SCHIP1: variants seen among roughly 807,000 people sequenced by gnomAD.
SCHIP1 encodes schwannomin-interacting protein 1.
A neutral mutation model predicts 29.7 loss-of-function variants in SCHIP1; 8 were observed. That is an observed-to-expected ratio of 0.27 (90% CI 0.16 to 0.49). The LOEUF is 0.49. Ranked by LOEUF, SCHIP1 falls within the 20% of genes least tolerant of loss-of-function variation. The probability of loss-of-function intolerance (pLI) is 0.99; values close to 1 mark genes in which losing one functional copy is unlikely to be tolerated. For synonymous variants in SCHIP1, 76 were observed against 94.9 expected (o/e 0.80, Z 1.16); for missense variants, 193 against 294.6 (o/e 0.66, Z 2.52).
the SCHIP1 span, among the ~76,000 whole-genome samples, chr3:159,518,467 T>A: frequency 5.9e-5 from 9 of 152,300 alleles, no homozygotes; most frequent in Admixed American, 1.3e-4. Context: ...TATGTTTTTT[T>A]AAATCCCTTT....
At chr3:159,765,397 C>G in the SCHIP1 span, 1 of 438,580 alleles carries the variant, frequency 2.3e-6, no homozygotes, top group South Asian at 4.4e-5. Flanking sequence ...TTAGTGGAAC[C>G]GGCGACTCAT....
At chr3:159,634,725 A>G in the SCHIP1 span, among the ~76,000 whole-genome samples, 8 of 152,216 alleles carry the variant, frequency 5.3e-5, no homozygotes, top group African/African-American at 1.9e-4. Context: ...CCCAAAGTAT[A>G]CATTATATGT....
the SCHIP1 span, among the ~76,000 whole-genome samples, chr3:159,447,501 G>T: frequency 6.6e-6 from 1 of 152,136 alleles, no homozygotes; most frequent in Non-Finnish European, 1.5e-5. Context: ...GCCTGGCCAA[G>T]TTCTGCCTGC....
chr3:159,320,119 T>C, the SCHIP1 span, among the ~76,000 whole-genome samples: 11 of 152,366 alleles, frequency 7.2e-5, no homozygotes, highest in East Asian at 1.3e-3. Context: ...AACTATTTCA[T>C]TTAAGTTAGT....
the SCHIP1 span, among the ~76,000 whole-genome samples, chr3:159,740,942 C>G: frequency 5.9e-5 from 9 of 152,092 alleles, no homozygotes; most frequent in Admixed American, 5.9e-4. Context: ...TAAGTTGGCT[C>G]AAGCTCTTCG....
At chr3:159,760,288 G>C in the SCHIP1 span, among the ~76,000 whole-genome samples, 54 of 152,284 alleles carry the variant, frequency 3.5e-4, no homozygotes, top group Non-Finnish European at 6.2e-4. Context: ...CATAAATACT[G>C]CCCAAGGAGC....
At chr3:159,649,368 A>G in the SCHIP1 span, among the ~76,000 whole-genome samples, 1 of 152,200 alleles carries the variant, frequency 6.6e-6, no homozygotes, top group African/African-American at 2.4e-5. Context: ...TCTTTTATTC[A>G]AATTTATAAT....
the SCHIP1 span, among the ~76,000 whole-genome samples, chr3:159,449,907 A>AGAAAG: frequency 6.6e-6 from 1 of 152,190 alleles, no homozygotes; most frequent in East Asian, 1.9e-4. Flanking sequence ...AAGAGAAGAA[A>AGAAAG]AAGGGAAGAA....
At chr3:159,542,610 G>A in the SCHIP1 span, among the ~76,000 whole-genome samples, 1 of 151,952 alleles carries the variant, frequency 6.6e-6, no homozygotes, top group Non-Finnish European at 1.5e-5. Flanking sequence ...AGGTGATGCT[G>A]GGCCCTCTGT....
At chr3:159,638,653 C>T in the SCHIP1 span, among the ~76,000 whole-genome samples, 1 of 151,364 alleles carries the variant, frequency 6.6e-6, no homozygotes, top group Non-Finnish European at 1.5e-5. Context: ...GGTGCGATCT[C>T]TGCCATTTGA....
At chr3:159,453,853 G>A in the SCHIP1 span, among the ~76,000 whole-genome samples, 2 of 152,094 alleles carry the variant, frequency 1.3e-5, no homozygotes. Flanking sequence ...TTGCCTCTCT[G>A]ATTCTAGCCC....
chr3:159,744,343 A>G, the SCHIP1 span, among the ~76,000 whole-genome samples: 42 of 152,368 alleles, frequency 2.8e-4, no homozygotes, highest in African/African-American at 1.0e-3. Flanking sequence ...AAATGAGGTC[A>G]ATAAGACCTT....
At chr3:159,630,691 G>A in the SCHIP1 span, among the ~76,000 whole-genome samples, 17 of 151,982 alleles carry the variant, frequency 1.1e-4, no homozygotes, top group African/African-American at 3.9e-4. Flanking sequence ...AAAGGTATAA[G>A]AATGATACAT....
chr3:159,745,792 A>C, the SCHIP1 span, among the ~76,000 whole-genome samples: 13 of 152,236 alleles, frequency 8.5e-5, no homozygotes, highest in African/African-American at 2.9e-4. Flanking sequence ...CCTCTTCTCC[A>C]AATGACTCAC....
the SCHIP1 span, among the ~76,000 whole-genome samples, chr3:159,719,698 C>T: frequency 6.6e-6 from 1 of 152,164 alleles, no homozygotes; most frequent in Non-Finnish European, 1.5e-5. Context: ...GCATCTCACA[C>T]CAGTTAGAAT....
chr3:159,890,806 A>G (rs1717439776), intron 5 of SCHIP1, among the ~76,000 whole-genome samples: 1 of 151,998 alleles, frequency 6.6e-6, no homozygotes, highest in Admixed American at 6.6e-5. Flanking sequence ...TAAAAATGGA[A>G]ACTAGTTTGA....
At chr3:159,289,501 C>T in the SCHIP1 span, among the ~76,000 whole-genome samples, 3 of 152,080 alleles carry the variant, frequency 2.0e-5, no homozygotes, top group Non-Finnish European at 1.5e-5. Flanking sequence ...CATCTGGCAG[C>T]CTCTCCCTCA....
the SCHIP1 span, among the ~76,000 whole-genome samples, chr3:159,498,312 G>A: frequency 0.27 from 41,618 of 152,066 alleles, 5,960 homozygotes; most frequent in East Asian, 0.4. Flanking sequence ...TCAAAGAGCA[G>A]CAATTTTATC....
chr3:159,553,936 G>A, the SCHIP1 span, among the ~76,000 whole-genome samples: 1 of 151,586 alleles, frequency 6.6e-6, no homozygotes, highest in Non-Finnish European at 1.5e-5. Context: ...GAGTAGCTGG[G>A]ACTACAGGCT....
Sources: gnomAD v4.1 joint callset for allele counts (sites outside exome capture counted in the v4.1 genomes callset) on GRCh38, gnomAD v4.1.1 for gene constraint, MANE v1.5 for transcripts, NCBI Gene and HGNC (gene_info 2026-07-23, HGNC 2026-07-21) for gene names.